UMAD1: variants seen among roughly 807,000 people sequenced by gnomAD.
UMAD1 encodes UBAP1-MVB12-associated (UMA)-domain containing protein 1.
UMAD1 carries 8 observed loss-of-function variants against 6.1 expected under a neutral mutation model. The observed-to-expected ratio is 1.30, with a 90% confidence interval of 0.76 to 2.35. The LOEUF (loss-of-function observed/expected upper bound fraction) is 2.35, where lower values mean the gene tolerates loss of function less well. UMAD1 is among the 30% of genes most tolerant of loss of function. The pLI, the probability that UMAD1 is intolerant of heterozygous loss-of-function variation, is 0.00. For missense variants in UMAD1, 130 were observed against 78.4 expected (o/e 1.66, Z -2.49); for synonymous variants, 56 against 31.4 (o/e 1.78, Z -2.61).
chr7:7,834,606 C>CT (rs146532041), intron 3 of UMAD1, among the ~76,000 whole-genome samples: 22,175 of 152,012 alleles, frequency 0.15, 2,250 homozygotes, highest in Middle Eastern at 0.22. Flanking sequence ...CACCTTCTTG[C>CT]TGTGTCTTCA....
chr7:7,822,844 T>A (rs528910957), intron 3 of UMAD1, among the ~76,000 whole-genome samples: 2 of 152,142 alleles, frequency 1.3e-5, no homozygotes, highest in East Asian at 3.9e-4. Context: ...TTTTTGGTTG[T>A]CTTCTCTGTC....
At chr7:7,653,948 A>C (rs767662459) in intron 1 of UMAD1, among the ~76,000 whole-genome samples, 10 of 152,198 alleles carry the variant, frequency 6.6e-5, no homozygotes, top group Non-Finnish European at 1.5e-4. Flanking sequence ...CTTAGAGTGG[A>C]GAGATTGAGA....
chr7:7,876,467 G>T (rs936012306), intron 3 of UMAD1, among the ~76,000 whole-genome samples: 2 of 152,166 alleles, frequency 1.3e-5, no homozygotes, highest in African/African-American at 4.8e-5. Context: ...GGTTCCAGGT[G>T]CTTGTAGTGG....
intron 3 of UMAD1, among the ~76,000 whole-genome samples, chr7:7,867,160 C>G (rs556649918): frequency 3.3e-5 from 5 of 152,164 alleles, no homozygotes; most frequent in African/African-American, 9.6e-5. Flanking sequence ...AGGGACTAAG[C>G]TAAGAGCCAG....
intron 2 of UMAD1, among the ~76,000 whole-genome samples, chr7:7,703,287 T>A (rs750513002): frequency 1.3e-5 from 2 of 152,218 alleles, no homozygotes; most frequent in Non-Finnish European, 1.5e-5. Context: ...TCCTGAATTA[T>A]GGAATTCGTG....
chr7:7,829,675 C>A (rs1272446631), intron 3 of UMAD1, among the ~76,000 whole-genome samples: 1 of 152,048 alleles, frequency 6.6e-6, no homozygotes, highest in Non-Finnish European at 1.5e-5. Context: ...ATGTAATGAA[C>A]GAGCATTTTA....
At chr7:7,717,237 G>C (rs896940142) in intron 2 of UMAD1, among the ~76,000 whole-genome samples, 2 of 151,558 alleles carry the variant, frequency 1.3e-5, no homozygotes, top group Non-Finnish European at 2.9e-5. Context: ...TCGTATTTTT[G>C]GTAGAGACTG....
At chr7:7,663,232 A>G (rs891467813) in intron 1 of UMAD1, among the ~76,000 whole-genome samples, 6 of 148,940 alleles carry the variant, frequency 4.0e-5, no homozygotes, top group African/African-American at 1.5e-4. Context: ...CTTCCACTCA[A>G]GGGTTGGAAC....
At position 7,745,131 on chromosome 7, in the gene UMAD1, ATTC is replaced by A. The variant is rs1781547252; in HGVS notation, c.83-56536_83-56534del. ...AAGAAAAACATAGAGAAGAGGAACT[ATTC>A]TTACTATTCATTAAGTGGAAGTGGA... On this transcript the variant is annotated intron_variant, in intron 2 of 3. Coordinates refer to ENST00000682710, the MANE Select transcript of UMAD1 (RefSeq NM_001302348.2). Among the ~76,000 whole-genome samples, 4 of 152,358 alleles carry A rather than the reference ATTC, an allele frequency of 2.6e-5. No homozygotes were observed. The South Asian group carries it at 8.3e-4, about 32-fold the overall frequency.
intron 3 of UMAD1, among the ~76,000 whole-genome samples, chr7:7,872,954 G>A (rs1784357953): frequency 6.6e-6 from 1 of 152,226 alleles, no homozygotes; most frequent in South Asian, 2.1e-4. Context: ...CTACCAGTGA[G>A]TGTCAAAAGA....
intron 2 of UMAD1, among the ~76,000 whole-genome samples, chr7:7,763,125 A>G (rs1485242868): frequency 1.3e-5 from 2 of 152,216 alleles, no homozygotes; most frequent in South Asian, 4.1e-4. Context: ...CTAGTAGGGA[A>G]AAATGTATAT....
intron 2 of UMAD1, among the ~76,000 whole-genome samples, chr7:7,784,389 G>T (rs1354945787): frequency 1.3e-5 from 2 of 149,188 alleles, no homozygotes; most frequent in Admixed American, 6.7e-5. Context: ...AGGCTGGAGT[G>T]CAGTGGTGCT....
intron 2 of UMAD1, among the ~76,000 whole-genome samples, chr7:7,712,005 T>C (rs2115170835): frequency 6.6e-6 from 1 of 152,252 alleles, no homozygotes; most frequent in Admixed American, 6.5e-5. Context: ...TTTGGATTAA[T>C]TCATCTTCTT....
rs577443404 is a variant in UMAD1, at chr7:7,764,497, G to A, written c.83-37173G>A. 4.6e-5 allele frequency among the ~76,000 whole-genome samples: 7 copies of A among 152,318 alleles called. No homozygotes were observed. In the South Asian group the frequency reaches 1.5e-3, roughly 32 times the overall value. ...TTTAGATGAAGCTGAGACTGTGGAA[G>A]GTGAGAGTAGTGTGAACTTGTTCAT... On this transcript the variant is annotated intron_variant, in intron 2 of 3. Coordinates refer to ENST00000682710, the MANE Select transcript of UMAD1 (RefSeq NM_001302348.2).
rs1250730556 is a variant in UMAD1 at position 7,721,124 on chromosome 7, G to A, written c.82+47671G>A. ...ACCAGAGCTAGGAAGAGGCAAGGAA[G>A]GATTCTGCCCTAGAGACTTCAGAGA... On this transcript the variant is annotated intron_variant, in intron 2 of 3. Transcript: ENST00000682710. 2.0e-5 allele frequency among the ~76,000 whole-genome samples: 3 copies of A among 152,168 alleles called. No homozygotes were observed. The East Asian group carries it at 5.8e-4, about 29-fold the overall frequency.
At chr7:7,740,334 A>G (rs1781438099) in intron 2 of UMAD1, among the ~76,000 whole-genome samples, 1 of 152,234 alleles carries the variant, frequency 6.6e-6, no homozygotes, top group Non-Finnish European at 1.5e-5. Flanking sequence ...ATAACCTTAA[A>G]AAAAGTTATC....
At chr7:7,814,037 A>G (rs578123610) in intron 3 of UMAD1, among the ~76,000 whole-genome samples, 12 of 151,936 alleles carry the variant, frequency 7.9e-5, no homozygotes, top group African/African-American at 2.7e-4. Context: ...AGGCTGGAGC[A>G]CAGTGGCGTG....
intron 2 of UMAD1, among the ~76,000 whole-genome samples, chr7:7,743,385 T>A (rs1164159244): frequency 6.6e-6 from 1 of 152,162 alleles, no homozygotes; most frequent in African/African-American, 2.4e-5. Context: ...ACATCATTTG[T>A]CAAAAACAGT....
intron 2 of UMAD1, among the ~76,000 whole-genome samples, chr7:7,756,404 A>T (rs931125676): frequency 3.9e-5 from 6 of 152,204 alleles, no homozygotes; most frequent in Admixed American, 3.3e-4. Flanking sequence ...GCTTAAATGA[A>T]AAAGGGCATC....
Sources: allele counts gnomAD v4.1 joint callset (sites outside exome capture counted in the v4.1 genomes callset), GRCh38; gene constraint gnomAD v4.1.1; transcripts MANE v1.5; gene names NCBI Gene and HGNC (gene_info 2026-07-23, HGNC 2026-07-21).